Variants in AARD observed in about 807,000 individuals in gnomAD.
AARD encodes alanine- and arginine-rich domain-containing protein.
Under a neutral mutation model 9.3 loss-of-function variants are expected in AARD, and 9 were observed. The observed-to-expected ratio is 0.97, with a 90% CI of 0.58 to 1.69. The LOEUF is 1.69. Ranked by LOEUF, AARD falls within the 40% of genes most tolerant of loss-of-function variation. The probability of loss-of-function intolerance (pLI) is 0.00; values close to 1 mark genes in which losing one functional copy is unlikely to be tolerated. For synonymous variants in AARD, 91 were observed against 93.8 expected (o/e 0.97, Z 0.17); for missense variants, 236 against 210.3 (o/e 1.12, Z -0.76).
At chr8:116,938,640 C>G in intron 1 of AARD, 73 bp downstream of exon 1, 1 of 1,376,692 alleles carries the variant, frequency 7.3e-7, no homozygotes, top group Non-Finnish European at 9.3e-7. Flanking sequence ...TGCAGAGCCG[C>G]TGGCCGCGTA....
intron 1 of AARD, among the ~76,000 whole-genome samples, chr8:116,940,135 A>G (rs1200272543): frequency 1.3e-5 from 2 of 152,282 alleles, no homozygotes; most frequent in Admixed American, 6.5e-5. Context: ...TGAGGGCTCA[A>G]ATACCAACAT....
chr8:116,938,709 T>C, intron 1 of AARD, 142 bp downstream of exon 1: 5 of 1,180,476 alleles, frequency 4.2e-6, no homozygotes, highest in African/African-American at 1.6e-5. Flanking sequence ...CGCCCCCGCC[T>C]CCCCAGCATC....
chr8:116,942,746 A>G lies in AARD; in HGVS notation c.*45A>G, dbSNP rs558610080. 509 of 1,587,860 alleles carry G rather than the reference A, an allele frequency of 3.2e-4. 4 individuals carry two copies. The South Asian group carries it at 5.4e-3, about 17-fold the overall frequency. On this transcript the variant is annotated 3_prime_UTR_variant, in exon 2 of 2. Transcript: ENST00000378279. ...CTGGGCGCGGTGGCTCACGCCTGTA[A>G]TCCCAGCACTTTGGGAGGCCGAGGC...
At chr8:116,938,705 C>T in intron 1 of AARD, 138 bp downstream of exon 1, 1 of 1,199,698 alleles carries the variant, frequency 8.3e-7, no homozygotes, top group Non-Finnish European at 1.1e-6. Context: ...TTGACGCCCC[C>T]GCCTCCCCAG....
At chr8:116,938,748 C>CCTTTT in intron 1 of AARD, 181 bp downstream of exon 1, 1 of 904,640 alleles carries the variant, frequency 1.1e-6, no homozygotes, top group Non-Finnish European at 1.5e-6. Flanking sequence ...CCTGCAGGAC[C>CCTTTT]CATGGTGGGG....
chr8:116,938,252 C>G lies in AARD; in HGVS notation c.9C>G (p.Pro3=), dbSNP rs763042285. The change falls in exon 1 of 2, where the codon CCC becomes CCG. Residue 3 remains proline (P), a synonymous_variant. Transcript: ENST00000378279. The stretch of plus-strand genomic sequence containing the variant: ...GACCAGGCGTCTCCGCGATGGGCCC[C>G]GGGGACTTCCGCCGCTGCAGAGAGA... The part of the protein sequence containing the change: MG[P]GDFRRCRERI... 6.3e-7 allele frequency: 1 copy of G among 1,598,570 alleles called. No individual in the cohort carries two copies. Among genetic ancestry groups the G allele is most frequent in the Non-Finnish European group, 8.5e-7 (1 of 1,172,262 alleles).
In AARD at chr8:116,942,644, A is replaced by G; in HGVS notation, c.411A>G (p.Glu137=). Reference sequence around the variant, plus strand: ...TGCAGCAATTGAAAAAGGAGTATGAACTGGAAATTACATCAGACTCCCAAA... The same window carrying G: ...TGCAGCAATTGAAAAAGGAGTATGAGCTGGAAATTACATCAGACTCCCAAA... The part of the protein sequence containing the change: ...MKVQQLKKEY[E]LEITSDSQSP... The change falls in exon 2 of 2, where the codon GAA becomes GAG. Residue 137 remains glutamate (E), a synonymous_variant. Coordinates refer to ENST00000378279, the MANE Select transcript of AARD (RefSeq NM_001025357.3). The G allele has an allele frequency of 6.2e-7, 1 of 1,614,030 alleles. No homozygotes were observed. The highest frequency in any genetic ancestry group is 1.1e-5 in the South Asian group (1 of 91,080).
At chr8:116,938,868 G>A (rs1437510696) in intron 1 of AARD, among the ~76,000 whole-genome samples, 1 of 152,222 alleles carries the variant, frequency 6.6e-6, no homozygotes, top group Non-Finnish European at 1.5e-5. Flanking sequence ...GTGTATGTAT[G>A]GCTCGCGGAG....
In AARD at chr8:116,943,629, GT is replaced by G. The variant is rs1366848333; in HGVS notation, c.*929del. On this transcript the variant is annotated 3_prime_UTR_variant, in exon 2 of 2. Coordinates refer to ENST00000378279, the MANE Select transcript of AARD (RefSeq NM_001025357.3). ...ATCAGGGGCTTGGAAGCTGCTGGTG[GT>G]CACCATGTGAGAAAGCCCACACCCT... 1 of 148,192 alleles carries G rather than the reference GT, an allele frequency of 6.7e-6. No individual in the cohort carries two copies. The highest frequency in any genetic ancestry group is 2.5e-5 in the African/African-American group (1 of 40,482). 9.2% of individuals were successfully genotyped at this position (148,192 alleles called of 1,614,324 possible). A position where few individuals can be genotyped will look rare whatever the true frequency, so the allele number is the denominator to read the frequency against.
intron 1 of AARD, among the ~76,000 whole-genome samples, chr8:116,941,187 G>A (rs1241150770): frequency 6.6e-6 from 1 of 152,158 alleles, no homozygotes; most frequent in Non-Finnish European, 1.5e-5. Flanking sequence ...TCTGGTCAGC[G>A]TGTTATGAGG....
Position 116,943,674 on chromosome 8 carries a change from G to A in AARD, c.*973G>A, listed in dbSNP as rs891293212. ...ACACCCTAATGGAGGTGACTGAAAC[G>A]GAACCACTAAAAGCACAAAAGGGGA... On this transcript the variant is annotated 3_prime_UTR_variant, in exon 2 of 2. Transcript: ENST00000378279. 8 of 146,808 alleles carry A rather than the reference G, an allele frequency of 5.4e-5. No homozygotes were observed. The highest frequency in any genetic ancestry group is 1.7e-4 in the African/African-American group (7 of 40,500). 9.1% of individuals were successfully genotyped at this position (146,808 alleles called of 1,614,324 possible). A position where few individuals can be genotyped will look rare whatever the true frequency, so the allele number is the denominator to read the frequency against.
rs1813701109 is a variant in AARD, at chr8:116,938,483, G to A, written c.240G>A (p.Gln80=). Residue 80 remains glutamine, a synonymous_variant, in exon 1 of 2, where the codon CAG becomes CAA. Transcript: ENST00000378279. ...AGCGCGCGATCTCGAGGCGCGTGCA[G>A]GAGGCGGCGGCGGCGGCGGCGGCGC... is the stretch of plus-strand genomic sequence containing the variant. The part of the protein sequence containing the change: ...AVQRAISRRV[Q]EAAAAAAARE... The A allele has an allele frequency of 1.3e-6, 2 of 1,564,490 alleles. No individual in the cohort carries two copies. Among genetic ancestry groups the A allele is most frequent in the African/African-American group, 1.4e-5 (1 of 72,484 alleles).
rs1386353400 is a variant in AARD at position 116,943,554 on chromosome 8, G to C, written c.*853G>C. ...AGATGGGTTTGTCCTTAGGATTTTT[G>C]AATGGGCACTAAAAGAGTAGATGAC... On this transcript the variant is annotated 3_prime_UTR_variant, in exon 2 of 2. Coordinates refer to ENST00000378279, the MANE Select transcript of AARD (RefSeq NM_001025357.3). The C allele has an allele frequency of 6.6e-6, 1 of 152,198 alleles. No individual in the cohort carries two copies. Among genetic ancestry groups the C allele is most frequent in the Non-Finnish European group, 1.5e-5 (1 of 68,062 alleles). 9.4% of individuals were successfully genotyped at this position (152,198 alleles called of 1,614,324 possible). A position where few individuals can be genotyped will look rare whatever the true frequency, so the allele number is the denominator to read the frequency against.
At position 116,943,027 on chromosome 8, in the gene AARD, C is replaced by T. The variant is rs10105065; in HGVS notation, c.*326C>T. Reference sequence around the variant, plus strand: ...AAAAAAAAAAAAAAAAAAAAGCACACGCGAAGCTCTGGATCCTAAAACTAA... The same window carrying T: ...AAAAAAAAAAAAAAAAAAAAGCACATGCGAAGCTCTGGATCCTAAAACTAA... On this transcript the variant is annotated 3_prime_UTR_variant, in exon 2 of 2. Transcript: ENST00000378279. 1,942 of 159,576 alleles carry T rather than the reference C, an allele frequency of 0.012. 52 individuals are homozygous for T. The highest frequency in any genetic ancestry group is 0.046 in the African/African-American group (1,832 of 40,200). The allele number at this position is 159,576 out of a possible 1,614,324, so 9.9% of individuals were successfully genotyped here.
In AARD at chr8:116,942,571, T is replaced by C. The variant is rs114091176; in HGVS notation, c.338T>C (p.Phe113Ser). ...TCTAACTTTTAGGTGGAAATGCATT[T>C]CCAAAACCACCAGCTGGCTAGAACT... ...RLRAELVEMH[F>S]QNHQLARTLL... Residue 113 changes from phenylalanine to serine, a missense_variant, in exon 2 of 2, where the codon TTC becomes TCC. By Grantham distance (155) the Phe-to-Ser change is radical (BLOSUM62 -2). Coordinates refer to ENST00000378279, the MANE Select transcript of AARD (RefSeq NM_001025357.3). 5,403 of 1,612,088 alleles carry C rather than the reference T, an allele frequency of 3.4e-3. 99 individuals are homozygous for C. In the East Asian group the frequency reaches 0.059, roughly 18 times the overall value.
rs1309540238 is a variant in AARD at position 116,942,861 on chromosome 8, G to A, written c.*160G>A. ...TAAAAATACAAAAAATTAGCCAGAC[G>A]TGGTGGCAGGCACCTGTAGTCCCTG... On this transcript the variant is annotated 3_prime_UTR_variant, in exon 2 of 2. Transcript: ENST00000378279. 18 of 561,216 alleles carry A rather than the reference G, an allele frequency of 3.2e-5. No homozygotes were observed. Among genetic ancestry groups the A allele is most frequent in the Admixed American group, 1.3e-4 (4 of 30,868 alleles). The allele number at this position is 561,216 out of a possible 1,614,324, so 34.8% of individuals were successfully genotyped here. A position where few individuals can be genotyped will look rare whatever the true frequency, so the allele number is the denominator to read the frequency against.
intron 1 of AARD, 74 bp downstream of exon 1, chr8:116,938,641 T>C (rs1813706278): frequency 7.3e-7 from 1 of 1,376,878 alleles, no homozygotes; most frequent in Admixed American, 3.7e-5. Flanking sequence ...GCAGAGCCGC[T>C]GGCCGCGTAG....
intron 1 of AARD, among the ~76,000 whole-genome samples, chr8:116,941,716 C>T (rs904214795): frequency 3.3e-5 from 5 of 152,150 alleles, no homozygotes; most frequent in African/African-American, 1.2e-4. Flanking sequence ...TGAATATTTG[C>T]TTTTTACCAA....
At chr8:116,942,233 G>A (rs1338682790) in intron 1 of AARD, among the ~76,000 whole-genome samples, 2 of 152,214 alleles carry the variant, frequency 1.3e-5, no homozygotes, top group Admixed American at 6.5e-5. Flanking sequence ...TGATTTCATT[G>A]TGGATCACAT....
Sources: gnomAD v4.1 joint callset for allele counts (sites outside exome capture counted in the v4.1 genomes callset) on GRCh38, gnomAD v4.1.1 for gene constraint, MANE v1.5 for transcripts, NCBI Gene and HGNC (gene_info 2026-07-23, HGNC 2026-07-21) for gene names.